Variants in PMPCB observed in about 807,000 individuals in gnomAD.
The protein encoded by PMPCB is peptidase, mitochondrial processing subunit beta.
Under a neutral mutation model 61.5 loss-of-function variants are expected in PMPCB, and 46 were observed. The ratio of observed to expected loss-of-function variants is 0.75; its 90% CI spans 0.59 to 0.96. PMPCB has a LOEUF of 0.96. Ranked by LOEUF, PMPCB falls within the 40% of genes least tolerant of loss-of-function variation. PMPCB has a pLI of 0.00. For synonymous variants in PMPCB, 191 were observed against 201.6 expected (o/e 0.95, Z 0.44); for missense variants, 590 against 602.4 (o/e 0.98, Z 0.22).
chr7:103,310,217 C>G (rs554448254), intron 8 of PMPCB, 98 bp from the exon 9 acceptor site: 2 of 846,988 alleles, frequency 2.4e-6, no homozygotes, highest in South Asian at 1.5e-5. Flanking sequence ...AGGAAACAGC[C>G]TCTAAGGATA....
In PMPCB at chr7:103,312,440, C is replaced by G; in HGVS notation, c.*169C>G. 1 of 1,517,774 alleles carries G rather than the reference C, an allele frequency of 6.6e-7. No individual in the cohort carries two copies. 94.0% of individuals were successfully genotyped at this position (1,517,774 alleles called of 1,614,324 possible). On this transcript the variant is annotated 3_prime_UTR_variant, in exon 13 of 13. Transcript: ENST00000249269. ...AGGTTGTTTTGTATTAATGGTCAGT[C>G]TTTGTTCTCTGAGAAATTATGTTGG... is the stretch of plus-strand genomic sequence containing the variant.
rs143903749 is a variant in PMPCB at position 103,310,486 on chromosome 7, T to C, written c.1154+11T>C. 264 of 1,573,582 alleles carry C rather than the reference T, an allele frequency of 1.7e-4. 3 individuals carry two copies. In the African/African-American group the frequency reaches 3.2e-3, roughly 19 times the overall value. ...TGTTCAAAAAGAATGGTGAGAAAAA[T>C]AGCTTTAAGTAATTTAAATTTTGCC... is the stretch of plus-strand genomic sequence containing the variant. On this transcript the variant is annotated intron_variant, in intron 9 of 12. Coordinates refer to ENST00000249269, the MANE Select transcript of PMPCB (RefSeq NM_004279.3).
At chr7:103,306,379 GTTCT>G (rs1186690821) in intron 6 of PMPCB, among the ~76,000 whole-genome samples, 3 of 145,864 alleles carry the variant, frequency 2.1e-5, no homozygotes, top group Admixed American at 1.4e-4. Flanking sequence ...TTGTTCCTGA[GTTCT>G]TTTTTTTTTT....
Position 103,312,811 on chromosome 7 carries a change from C to T in PMPCB, c.*540C>T, listed in dbSNP as rs148899348. ...TTTCTAAGGTTGCTCATTTCTTCCT[C>T]ATAATATTGACCCCATAACTACTGG... On this transcript the variant is annotated 3_prime_UTR_variant, in exon 13 of 13. Coordinates refer to ENST00000249269, the MANE Select transcript of PMPCB (RefSeq NM_004279.3). The T allele has an allele frequency of 9.9e-6, 15 of 1,515,798 alleles. No individual in the cohort carries two copies. The highest frequency in any genetic ancestry group is 1.2e-5 in the Non-Finnish European group (14 of 1,139,694). The allele number at this position is 1,515,798 out of a possible 1,614,324, so 93.9% of individuals were successfully genotyped here.
rs76828688 is a variant in PMPCB at position 103,314,418 on chromosome 7, A to G, written c.*2147A>G. On this transcript the variant is annotated 3_prime_UTR_variant, in exon 13 of 13. Coordinates refer to ENST00000249269, the MANE Select transcript of PMPCB (RefSeq NM_004279.3). ...AAAGAGGCAAAGGAGTCATACCCAC[A>G]TAGCACTACTGCCAGTCACTCTTGC... 4,081 of 985,400 alleles carry G rather than the reference A, an allele frequency of 4.1e-3. 124 individuals carry two copies. In the African/African-American group the frequency reaches 0.067, roughly 16 times the overall value. 61.0% of individuals were successfully genotyped at this position (985,400 alleles called of 1,614,324 possible). A position where few individuals can be genotyped will look rare whatever the true frequency, so the allele number is the denominator to read the frequency against.
rs757587155 is a variant in PMPCB, at chr7:103,297,628, G to A, written c.99+70G>A. ...ACCCGGCGCAGCGCACCTGAGAGTC[G>A]GCGCCACAGATCCGAACAGTGGGTC... On this transcript the variant is annotated intron_variant, in intron 1 of 12. Coordinates refer to ENST00000249269, the MANE Select transcript of PMPCB (RefSeq NM_004279.3). The A allele has an allele frequency of 1.3e-5, 20 of 1,596,580 alleles. No individual in the cohort carries two copies. In the South Asian group the frequency reaches 2.0e-4, roughly 16 times the overall value.
chr7:103,344,537 C>G, the PMPCB span: 93 of 1,613,550 alleles, frequency 5.8e-5, no homozygotes, highest in Non-Finnish European at 7.0e-5. Context: ...TGAGAAGGAA[C>G]CGAGGTTGGG....
At chr7:103,316,798 G>A, downstream of PMPCB, 1 of 1,575,088 alleles carries the variant, frequency 6.3e-7, no homozygotes, top group Non-Finnish European at 8.7e-7. Flanking sequence ...GCTCCAGTGT[G>A]AGTTGAAGAA....
chr7:103,318,441 TC>T (rs1818194762), downstream of PMPCB, among the ~76,000 whole-genome samples: 1 of 152,232 alleles, frequency 6.6e-6, no homozygotes, highest in African/African-American at 2.4e-5. Flanking sequence ...TCATTTTAAC[TC>T]TGTCCTTCCT....
chr7:103,323,500 GAA>G (rs914504033), intron 12 of PMPCB: 2 of 1,235,522 alleles, frequency 1.6e-6, no homozygotes, highest in African/African-American at 3.2e-5. Flanking sequence ...TGTACAAAGA[GAA>G]AATATGAAAG....
chr7:103,320,830 CTT>C (rs745754898), intron 12 of PMPCB: 7,876 of 113,396 alleles, frequency 0.069, 237 homozygotes, highest in African/African-American at 0.18. Context: ...CTCAGCATGT[CTT>C]TTTTTTTTTT....
At chr7:103,316,748 A>T, downstream of PMPCB, 1 of 1,161,824 alleles carries the variant, frequency 8.6e-7, no homozygotes, top group South Asian at 1.5e-5. Flanking sequence ...TTCTGTGATA[A>T]CAAGTGCTGC....
At chr7:103,297,917 C>G in intron 1 of PMPCB, 1 of 1,281,960 alleles carries the variant, frequency 7.8e-7, no homozygotes, top group Non-Finnish European at 1.0e-6. Flanking sequence ...GAACTTCGTC[C>G]TCAGCTGGGC....
chr7:103,298,002 T>G, intron 1 of PMPCB: 1 of 1,074,414 alleles, frequency 9.3e-7, no homozygotes, highest in Non-Finnish European at 1.2e-6. Context: ...AGCCTCTGAC[T>G]TTAAGCAAAG....
intron 12 of PMPCB, among the ~76,000 whole-genome samples, chr7:103,324,984 CTCA>C (rs1455355200): frequency 6.6e-6 from 1 of 152,176 alleles, no homozygotes; most frequent in Non-Finnish European, 1.5e-5. Context: ...TAATTTCCAC[CTCA>C]TCACCACCAC....
downstream of PMPCB, chr7:103,316,743 T>C (rs949500058): frequency 4.5e-6 from 5 of 1,113,296 alleles, no homozygotes; most frequent in Non-Finnish European, 6.5e-6. Flanking sequence ...CAAGTTTCTG[T>C]GATAACAAGT....
intron 1 of PMPCB, chr7:103,297,835 A>G (rs1203612294): frequency 2.5e-5 from 37 of 1,505,998 alleles, no homozygotes; most frequent in Non-Finnish European, 3.2e-5. Flanking sequence ...CTAAAAACGT[A>G]GTGCTTGCAA....
At chr7:103,337,696 T>C in the PMPCB span, 1 of 1,488,564 alleles carries the variant, frequency 6.7e-7, no homozygotes, top group Non-Finnish European at 9.4e-7. Context: ...CCTGTTCCTA[T>C]ACAAGATATT....
At chr7:103,326,468 A>G in intron 12 of PMPCB, 2 of 1,426,156 alleles carry the variant, frequency 1.4e-6, no homozygotes, top group Non-Finnish European at 2.0e-6. Context: ...TATCAGAGGG[A>G]AAGAGCAGAA....
Sources: allele counts gnomAD v4.1 joint callset (sites outside exome capture counted in the v4.1 genomes callset), GRCh38; gene constraint gnomAD v4.1.1; transcripts MANE v1.5; gene names NCBI Gene and HGNC (gene_info 2026-07-23, HGNC 2026-07-21).